NFILZ: variants seen among roughly 807,000 people sequenced by gnomAD.
The protein encoded by NFILZ is NFIL3 like basic leucine zipper.
intron 3 of NFILZ, among the ~76,000 whole-genome samples, chr19:8,641,134 C>T (rs935027082): frequency 1.3e-5 from 2 of 152,176 alleles, no homozygotes; most frequent in Admixed American, 6.5e-5. Context: ...ACCACAACCT[C>T]GACCTCCCAG....
At chr19:8,671,844 C>A (rs1403965953) in intron 3 of NFILZ, among the ~76,000 whole-genome samples, 1 of 152,160 alleles carries the variant, frequency 6.6e-6, no homozygotes, top group African/African-American at 2.4e-5. Flanking sequence ...CAAGACAGGG[C>A]CAGGAATGTG....
At chr19:8,658,537 G>T (rs11085793) in intron 3 of NFILZ, among the ~76,000 whole-genome samples, 6 of 151,914 alleles carry the variant, frequency 3.9e-5, no homozygotes, top group African/African-American at 1.4e-4. Flanking sequence ...GCCGAGAGTG[G>T]GAGGCTGCCT....
At chr19:8,640,243 TG>T (rs2042913195) in intron 3 of NFILZ, among the ~76,000 whole-genome samples, 1 of 151,778 alleles carries the variant, frequency 6.6e-6, no homozygotes, top group African/African-American at 2.4e-5. Flanking sequence ...ATGGACTGCC[TG>T]CAGGTTGCCT....
At chr19:8,670,445 G>A (rs2043081412) in intron 3 of NFILZ, among the ~76,000 whole-genome samples, 1 of 152,066 alleles carries the variant, frequency 6.6e-6, no homozygotes, top group African/African-American at 2.4e-5. Flanking sequence ...AATATTTTGG[G>A]AATGAACCAA....
At chr19:8,640,609 C>T (rs1183219206) in intron 3 of NFILZ, among the ~76,000 whole-genome samples, 1 of 152,172 alleles carries the variant, frequency 6.6e-6, no homozygotes, top group South Asian at 2.1e-4. Context: ...GGCGGCGACA[C>T]GATGAGAGAC....
intron 3 of NFILZ, among the ~76,000 whole-genome samples, chr19:8,648,767 G>A (rs1238662972): frequency 2.6e-5 from 4 of 151,436 alleles, no homozygotes. Flanking sequence ...GCAGGAGAAT[G>A]GCTTGAACCT....
At chr19:8,656,366 C>CCT (rs1600147467) in intron 3 of NFILZ, among the ~76,000 whole-genome samples, 44 of 146,952 alleles carry the variant, frequency 3.0e-4, no homozygotes, top group Admixed American at 5.3e-4. Context: ...CTGAAGCCCA[C>CCT]CTTCTCCCTG....
rs1600151724 is a variant in NFILZ at position 8,663,707 on chromosome 19, GGTGTGTGTGTGTGTTTGT to G, written c.-163-10829_-163-10812del. ...GCTCAGCGTAGAATTAACAAGGTGT[GGTGTGTGTGTGTGTTTGT>G]GTGTGTGTGTGTGTGTGTGTGTGTG... On this transcript the variant is annotated intron_variant, in intron 3 of 5. Transcript: ENST00000691075. Among the ~76,000 whole-genome samples, 3 of 50,132 alleles carry G rather than the reference GGTGTGTGTGTGTGTTTGT, an allele frequency of 6.0e-5. No homozygotes were observed. In the East Asian group the frequency reaches 9.1e-4, roughly 15 times the overall value. 32.9% of individuals were successfully genotyped at this position (50,132 alleles called of 152,430 possible). A position where few individuals can be genotyped will look rare whatever the true frequency, so the allele number is the denominator to read the frequency against.
chr19:8,634,801 A>G (rs1555745920), intron 2 of NFILZ, among the ~76,000 whole-genome samples: 2 of 152,104 alleles, frequency 1.3e-5, no homozygotes, highest in South Asian at 4.1e-4. Flanking sequence ...GATCACTTGA[A>G]TCCGGGAAGT....
chr19:8,658,229 C>A (rs908068401), intron 3 of NFILZ, among the ~76,000 whole-genome samples: 1 of 152,170 alleles, frequency 6.6e-6, no homozygotes, highest in Non-Finnish European at 1.5e-5. Context: ...GAGCCGGGAG[C>A]TCCTGGGCCC....
At chr19:8,662,981 T>C (rs1555749313) in intron 3 of NFILZ, among the ~76,000 whole-genome samples, 1 of 149,990 alleles carries the variant, frequency 6.7e-6, no homozygotes, top group African/African-American at 2.5e-5. Context: ...AGCGTCTCAC[T>C]TTGTTGCCAG....
chr19:8,656,332 T>TCCTCCCGCAGCGCACC, intron 3 of NFILZ, among the ~76,000 whole-genome samples: 1 of 28,202 alleles, frequency 3.5e-5, no homozygotes, highest in Non-Finnish European at 9.2e-5. Flanking sequence ...TGAAGCCCCC[T>TCCTCCCGCAGCGCACC]TCTTCCTGAA....
intron 3 of NFILZ, among the ~76,000 whole-genome samples, chr19:8,651,670 C>T (rs2042965500): frequency 6.6e-6 from 1 of 151,906 alleles, no homozygotes; most frequent in Non-Finnish European, 1.5e-5. Context: ...TAGCTGGGAC[C>T]ACAGGTATGT....
rs55926423 is a variant in NFILZ at position 8,679,269 on chromosome 19, C to CATTATTATTATTATTATT, written c.*1654_*1671dup. 6.9e-6 allele frequency among the ~76,000 whole-genome samples: 1 copy of CATTATTATTATTATTATT among 145,820 alleles called. No individual in the cohort carries two copies. Among genetic ancestry groups the CATTATTATTATTATTATT allele is most frequent in the African/African-American group, 2.6e-5 (1 of 39,082 alleles). The stretch of plus-strand genomic sequence containing the variant: ...TCAGTTTCTCACTCAGCCCCTCTCC[C>CATTATTATTATTATTATT]ATTATTATTATTATTATTATTATTA... On this transcript the variant is annotated 3_prime_UTR_variant, in exon 6 of 6. Coordinates refer to ENST00000691075, the MANE Select transcript of NFILZ (RefSeq NM_001378600.1).
chr19:8,645,026 CA>C (rs1234525194), intron 3 of NFILZ, among the ~76,000 whole-genome samples: 195 of 150,982 alleles, frequency 1.3e-3, no homozygotes, highest in African/African-American at 4.6e-3. Context: ...CCCCATCCCC[CA>C]CCTCAGCCTC....
intron 3 of NFILZ, among the ~76,000 whole-genome samples, chr19:8,650,724 T>C (rs1183616005): frequency 2.6e-5 from 4 of 151,754 alleles, no homozygotes; most frequent in Admixed American, 6.6e-5. Context: ...GATCAGGACA[T>C]TGATGCTGAT....
intron 1 of NFILZ, among the ~76,000 whole-genome samples, chr19:8,631,587 G>A (rs1555745517): frequency 6.6e-6 from 1 of 152,146 alleles, no homozygotes; most frequent in Non-Finnish European, 1.5e-5. Context: ...CTTCCCCCGA[G>A]TCCAGGGTCA....
intron 3 of NFILZ, among the ~76,000 whole-genome samples, chr19:8,644,254 C>A (rs2042930041): frequency 1.3e-5 from 2 of 152,070 alleles, no homozygotes; most frequent in South Asian, 4.1e-4. Flanking sequence ...GCGATTGCTA[C>A]CATGCCCAAC....
At chr19:8,647,968 C>T (rs1382438642) in intron 3 of NFILZ, among the ~76,000 whole-genome samples, 1 of 151,524 alleles carries the variant, frequency 6.6e-6, no homozygotes, top group Admixed American at 6.6e-5. Flanking sequence ...ATCAGGAGAT[C>T]AAGACCATCC....
Sources: allele counts gnomAD v4.1 joint callset (sites outside exome capture counted in the v4.1 genomes callset), GRCh38; gene constraint gnomAD v4.1.1; transcripts MANE v1.5; gene names NCBI Gene and HGNC (gene_info 2026-07-23, HGNC 2026-07-21).